CELF2: variants seen among roughly 807,000 people sequenced by gnomAD.
CELF2 encodes the protein CUGBP Elav-like family member 2.
A neutral mutation model predicts 62.6 loss-of-function variants in CELF2; 8 were observed. The observed-to-expected ratio is 0.13, with a 90% CI of 0.07 to 0.23. The LOEUF is 0.23. CELF2 is among the 10% of genes least tolerant of loss of function. The pLI, the probability that CELF2 is intolerant of heterozygous loss-of-function variation, is 1.00. For missense variants in CELF2, 333 were observed against 671.0 expected, an observed-to-expected ratio of 0.50 and a Z score of 5.56; for synonymous variants, 258 against 250.0, an observed-to-expected ratio of 1.03 and a Z score of -0.30.
the CELF2 span, among the ~76,000 whole-genome samples, chr10:10,643,426 C>T: frequency 1.3e-4 from 20 of 152,254 alleles, no homozygotes; most frequent in East Asian, 7.7e-4. Flanking sequence ...CCATGTAAGA[C>T]GTGACTTTGC....
chr10:11,054,556 A>G (rs1372361060), intron 1 of CELF2, among the ~76,000 whole-genome samples: 4 of 151,480 alleles, frequency 2.6e-5, no homozygotes, highest in Non-Finnish European at 5.9e-5. Flanking sequence ...ATGTCAATTT[A>G]TGAAGAATTG....
intron 11 of CELF2, among the ~76,000 whole-genome samples, chr10:11,322,317 T>G (rs1485029848): frequency 1.3e-5 from 2 of 152,222 alleles, no homozygotes; most frequent in Admixed American, 1.3e-4. Context: ...TCGATTGCCT[T>G]GCTTCTCTGC....
the CELF2 span, among the ~76,000 whole-genome samples, chr10:10,607,817 A>G: frequency 6.6e-6 from 1 of 152,188 alleles, no homozygotes; most frequent in African/African-American, 2.4e-5. Flanking sequence ...CAGGCTGGGC[A>G]TGGTGGCTCA....
intron 1 of CELF2, among the ~76,000 whole-genome samples, chr10:11,084,339 A>C (rs1345360816): frequency 6.6e-6 from 1 of 152,208 alleles, no homozygotes; most frequent in Non-Finnish European, 1.5e-5. Context: ...GTTTTTGAAC[A>C]AATGTGGGTT....
At chr10:10,592,442 T>C in the CELF2 span, among the ~76,000 whole-genome samples, 1 of 152,182 alleles carries the variant, frequency 6.6e-6, no homozygotes, top group East Asian at 1.9e-4. Flanking sequence ...CCTCAGACCT[T>C]CCTTTCTGTG....
chr10:10,692,115 T>A, the CELF2 span, among the ~76,000 whole-genome samples: 2,054 of 149,550 alleles, frequency 0.014, 29 homozygotes, highest in African/African-American at 0.048. Context: ...ATGCCTAGGT[T>A]TTCTTCTAGG....
intron 1 of CELF2, among the ~76,000 whole-genome samples, chr10:10,916,774 G>A (rs984928304): frequency 2.8e-4 from 42 of 151,804 alleles, no homozygotes; most frequent in African/African-American, 9.2e-4. Flanking sequence ...CAGCACACCC[G>A]GCTAATTTTT....
chr10:10,686,135 G>A, the CELF2 span, among the ~76,000 whole-genome samples: 2 of 152,138 alleles, frequency 1.3e-5, no homozygotes, highest in African/African-American at 2.4e-5. Flanking sequence ...TTTCGTTGTT[G>A]GCAAATAGAT....
At chr10:10,977,687 G>A (rs2051511809) in intron 2 of CELF2, among the ~76,000 whole-genome samples, 3 of 152,204 alleles carry the variant, frequency 2.0e-5, no homozygotes, top group African/African-American at 4.8e-5. Context: ...GAAGAATTTG[G>A]TACGTTTTGT....
At chr10:10,907,424 CT>C (rs1204777417) in intron 1 of CELF2, among the ~76,000 whole-genome samples, 3 of 152,036 alleles carry the variant, frequency 2.0e-5, no homozygotes, top group African/African-American at 7.2e-5. Flanking sequence ...TACAAATGTG[CT>C]TTTAAAGAAC....
At chr10:10,946,413 G>A (rs1406952503) in intron 2 of CELF2, 1 of 152,584 alleles carries the variant, frequency 6.6e-6, no homozygotes, top group East Asian at 1.9e-4. Context: ...TTTTATTTAA[G>A]TAGCCTTTGG....
the CELF2 span, among the ~76,000 whole-genome samples, chr10:10,608,733 G>C: frequency 6.6e-6 from 1 of 152,092 alleles, no homozygotes; most frequent in Non-Finnish European, 1.5e-5. Context: ...AGACCAAATA[G>C]ATGATGCTAT....
At chr10:10,595,377 A>G in the CELF2 span, among the ~76,000 whole-genome samples, 1 of 152,156 alleles carries the variant, frequency 6.6e-6, no homozygotes, top group Non-Finnish European at 1.5e-5. Context: ...AGGATATACA[A>G]AGTACACACA....
intron 3 of CELF2, among the ~76,000 whole-genome samples, chr10:11,236,550 T>C (rs971069780): frequency 6.6e-6 from 1 of 152,216 alleles, no homozygotes; most frequent in Non-Finnish European, 1.5e-5. Flanking sequence ...CTGGATAGCT[T>C]TCCAAACCTT....
the CELF2 span, among the ~76,000 whole-genome samples, chr10:10,560,128 A>G: frequency 6.6e-6 from 1 of 152,192 alleles, no homozygotes; most frequent in Non-Finnish European, 1.5e-5. Context: ...AACACAGGTC[A>G]GCTTCCCAAG....
the CELF2 span, among the ~76,000 whole-genome samples, chr10:10,687,671 T>C: frequency 6.6e-6 from 1 of 152,240 alleles, no homozygotes; most frequent in Non-Finnish European, 1.5e-5. Context: ...TTTTTCTTTA[T>C]GAAATCATTA....
the CELF2 span, among the ~76,000 whole-genome samples, chr10:10,635,593 G>C: frequency 1.1e-4 from 17 of 152,158 alleles, no homozygotes; most frequent in African/African-American, 4.1e-4. Flanking sequence ...TAAAAAATAT[G>C]TGTAGAAAGG....
chr10:10,860,711 C>T (rs1333570063), intron 1 of CELF2, among the ~76,000 whole-genome samples: 10 of 152,290 alleles, frequency 6.6e-5, no homozygotes, highest in Admixed American at 3.3e-4. Context: ...CACCCAACAA[C>T]GTGGCAGGCA....
chr10:11,253,802 G>A (rs933387814), intron 4 of CELF2, among the ~76,000 whole-genome samples: 2 of 152,156 alleles, frequency 1.3e-5, no homozygotes, highest in African/African-American at 4.8e-5. Context: ...TGTGGTCGTC[G>A]TTACTAATCA....
Sources: gnomAD v4.1 joint callset for allele counts (sites outside exome capture counted in the v4.1 genomes callset) on GRCh38, gnomAD v4.1.1 for gene constraint, MANE v1.5 for transcripts, NCBI Gene and HGNC (gene_info 2026-07-23, HGNC 2026-07-21) for gene names.